CTIF: variants seen among roughly 807,000 people sequenced by gnomAD.
CTIF encodes the protein CBP80/20-dependent translation initiation factor.
In CTIF, 21 loss-of-function variants were observed where a neutral mutation model predicts 66.0. The observed-to-expected ratio is 0.32, with a 90% confidence interval of 0.23 to 0.46. The LOEUF (loss-of-function observed/expected upper bound fraction) is 0.46. Ranked by LOEUF, CTIF falls within the 20% of genes least tolerant of loss-of-function variation. CTIF has a pLI of 1.00. For missense variants in CTIF, 739 were observed against 812.7 expected, an observed-to-expected ratio of 0.91 and a Z score of 1.10; for synonymous variants, 345 against 326.4, an observed-to-expected ratio of 1.06 and a Z score of -0.62.
chr18:48,737,467 C>T (rs915960387), intron 7 of CTIF, among the ~76,000 whole-genome samples: 3 of 152,170 alleles, frequency 2.0e-5, no homozygotes, highest in Non-Finnish European at 4.4e-5. Flanking sequence ...TGCCCCTTAC[C>T]CAGAGTGGTA....
intron 1 of CTIF, among the ~76,000 whole-genome samples, chr18:48,542,732 T>C (rs1031780141): frequency 6.6e-6 from 1 of 152,192 alleles, no homozygotes; most frequent in Non-Finnish European, 1.5e-5. Context: ...GGGCCCAAGA[T>C]GCCAGTTCTT....
At chr18:48,753,826 G>A (rs1380345405) in intron 7 of CTIF, among the ~76,000 whole-genome samples, 1 of 152,188 alleles carries the variant, frequency 6.6e-6, no homozygotes, top group South Asian at 2.1e-4. Context: ...GAGACCAAGT[G>A]CAGCCTCCTT....
chr18:48,807,043 G>T (rs1437084518), intron 9 of CTIF, among the ~76,000 whole-genome samples: 1 of 152,174 alleles, frequency 6.6e-6, no homozygotes, highest in Non-Finnish European at 1.5e-5. Flanking sequence ...GGATACAAGA[G>T]GCTGAGGTTA....
intron 10 of CTIF, among the ~76,000 whole-genome samples, chr18:48,848,115 C>T (rs2069120074): frequency 6.6e-6 from 1 of 152,250 alleles, no homozygotes; most frequent in Admixed American, 6.5e-5. Flanking sequence ...ATTCTTCCCC[C>T]TGTCCCCTTT....
intron 6 of CTIF, among the ~76,000 whole-genome samples, chr18:48,701,164 C>T (rs1392233298): frequency 1.3e-5 from 2 of 152,112 alleles, no homozygotes; most frequent in Non-Finnish European, 2.9e-5. Context: ...CTCATCATGC[C>T]CAGGTGGTTT....
intron 7 of CTIF, among the ~76,000 whole-genome samples, chr18:48,738,592 C>A (rs1457803851): frequency 6.6e-6 from 1 of 152,150 alleles, no homozygotes; most frequent in Non-Finnish European, 1.5e-5. Context: ...CCTCCCCTCC[C>A]TCAAGCCTTG....
intron 9 of CTIF, among the ~76,000 whole-genome samples, chr18:48,795,794 G>T (rs1459952247): frequency 1.3e-5 from 2 of 152,210 alleles, no homozygotes; most frequent in African/African-American, 4.8e-5. Flanking sequence ...TCTCTTGAGG[G>T]AGGGTTTAGT....
intron 2 of CTIF, among the ~76,000 whole-genome samples, chr18:48,622,314 T>C (rs2090510345): frequency 6.6e-6 from 1 of 151,774 alleles, no homozygotes; most frequent in Non-Finnish European, 1.5e-5. Context: ...GTGGGGTGTT[T>C]GAAATCAGAG....
intron 1 of CTIF, among the ~76,000 whole-genome samples, chr18:48,607,019 T>C (rs896058060): frequency 6.6e-6 from 1 of 151,490 alleles, no homozygotes; most frequent in Non-Finnish European, 1.5e-5. Context: ...AAAACAAGTA[T>C]GATATTAGAG....
At chr18:48,845,759 C>T (rs2069057160) in intron 10 of CTIF, among the ~76,000 whole-genome samples, 1 of 152,216 alleles carries the variant, frequency 6.6e-6, no homozygotes, top group Non-Finnish European at 1.5e-5. Context: ...ACCACCTCCA[C>T]CTGCCTTCCC....
chr18:48,703,680 T>G (rs2092113561), intron 6 of CTIF, among the ~76,000 whole-genome samples: 1 of 152,164 alleles, frequency 6.6e-6, no homozygotes, highest in Non-Finnish European at 1.5e-5. Flanking sequence ...TTGGATTCTA[T>G]GAAAGTGCAG....
At chr18:48,705,392 A>T (rs1261334018) in intron 6 of CTIF, among the ~76,000 whole-genome samples, 1 of 152,076 alleles carries the variant, frequency 6.6e-6, no homozygotes, top group African/African-American at 2.4e-5. Flanking sequence ...GTTCAAGTTT[A>T]CTTCTCCTAT....
At chr18:48,581,303 G>A (rs1171959247) in intron 1 of CTIF, among the ~76,000 whole-genome samples, 1 of 151,924 alleles carries the variant, frequency 6.6e-6, no homozygotes, top group East Asian at 1.9e-4. Flanking sequence ...TATCTGCCCT[G>A]TGTCGAAAAT....
chr18:48,721,759 C>G (rs2092339305), intron 7 of CTIF, among the ~76,000 whole-genome samples: 1 of 152,052 alleles, frequency 6.6e-6, no homozygotes, highest in Admixed American at 6.5e-5. Context: ...ATCCCCCCCT[C>G]TCTGTCCTGA....
intron 9 of CTIF, among the ~76,000 whole-genome samples, chr18:48,804,517 C>T (rs999260548): frequency 2.5e-4 from 38 of 152,282 alleles, no homozygotes; most frequent in African/African-American, 9.1e-4. Context: ...CATGTGCAGA[C>T]TGCCAGGGGT....
Position 48,761,656 on chromosome 18 carries a change from C to G in CTIF, c.1338C>G (p.Thr446=). The G allele has an allele frequency of 6.2e-7, 1 of 1,612,900 alleles. No individual in the cohort carries two copies. Among genetic ancestry groups the G allele is most frequent in the Non-Finnish European group, 8.5e-7 (1 of 1,178,992 alleles). The change falls in exon 9 of 12, where the codon ACC becomes ACG. Residue 446 remains threonine, a synonymous_variant. Transcript: ENST00000256413. The surrounding 1 kb of genome is among the most constrained non-coding windows in gnomAD (Gnocchi z 4.2). Reference sequence around the variant, plus strand: ...TGGCGCTCTTTATGGTGGAGGGGACCAAGTTCCGGAGCCTGCTCCTCAACA... The same window carrying G: ...TGGCGCTCTTTATGGTGGAGGGGACGAAGTTCCGGAGCCTGCTCCTCAACA... ...DKMALFMVEG[T]KFRSLLLNML... is the part of the protein sequence containing the mutation.
intron 7 of CTIF, among the ~76,000 whole-genome samples, chr18:48,750,969 G>A (rs1339205018): frequency 6.6e-6 from 1 of 152,232 alleles, no homozygotes; most frequent in Admixed American, 6.5e-5. Context: ...TCTGCTTGGT[G>A]CAAGTTGTGT....
intron 10 of CTIF, among the ~76,000 whole-genome samples, chr18:48,842,918 G>C (rs1362013298): frequency 6.6e-6 from 1 of 152,226 alleles, no homozygotes; most frequent in Non-Finnish European, 1.5e-5. Context: ...GGCAGGGACT[G>C]GGGGAAGGGG....
intron 9 of CTIF, among the ~76,000 whole-genome samples, chr18:48,766,030 G>A (rs73429502): frequency 0.16 from 24,135 of 148,176 alleles, 2,157 homozygotes; most frequent in African/African-American, 0.23. Flanking sequence ...GTATACATGT[G>A]CCATGTTGGT....
Sources: gnomAD v4.1 joint callset for allele counts (sites outside exome capture counted in the v4.1 genomes callset) on GRCh38, gnomAD v4.1.1 for gene constraint, Gnocchi (gnomAD v3.1) non-coding constraint, MANE v1.5 for transcripts, NCBI Gene and HGNC (gene_info 2026-07-23, HGNC 2026-07-21) for gene names.